Variants in PCDH15 observed in about 807,000 individuals in gnomAD.
PCDH15 encodes the protein protocadherin-15.
PCDH15 carries 129 observed loss-of-function variants against 178.5 expected under a neutral mutation model. That is an observed-to-expected ratio of 0.72 (90% CI 0.63 to 0.84). PCDH15 has a LOEUF of 0.84. PCDH15 is among the 40% of genes least tolerant of loss of function. The pLI is 0.00. For synonymous variants in PCDH15, 800 were observed against 732.0 expected, an observed-to-expected ratio of 1.09 and a Z score of -1.50; for missense variants, 2,230 against 2,099.9, an observed-to-expected ratio of 1.06 and a Z score of -1.21.
intron 14 of PCDH15, among the ~76,000 whole-genome samples, chr10:54,147,080 T>A (rs969226276): frequency 8.7e-5 from 13 of 149,690 alleles, no homozygotes; most frequent in African/African-American, 2.9e-4. Context: ...ATCTTCCTTA[T>A]AAAAGAAGTC....
rs543929486 is a variant in PCDH15 at position 55,623,103 on chromosome 10, C to T, written c.-156+4522G>A. On this transcript the variant is annotated intron_variant, in intron 2 of 5. Coordinates refer to the PCDH15 transcript ENST00000613346. ...AGTATCGCTAGTCCCTGGATTCCAC[C>T]TCCTGCTCTATATATTTTTTAACGT... Among the ~76,000 whole-genome samples, 3 of 152,232 alleles carry T rather than the reference C, an allele frequency of 2.0e-5. No homozygotes were observed. In the South Asian group the frequency reaches 6.2e-4, roughly 32 times the overall value.
chr10:54,816,027 T>G (rs1952944616), intron 3 of PCDH15, among the ~76,000 whole-genome samples: 1 of 152,054 alleles, frequency 6.6e-6, no homozygotes, highest in African/African-American at 2.4e-5. Flanking sequence ...GTCAAAAGTT[T>G]TATGCAGATT....
At chr10:54,902,228 C>A (rs1269639537) in intron 2 of PCDH15, among the ~76,000 whole-genome samples, 1 of 152,142 alleles carries the variant, frequency 6.6e-6, no homozygotes, top group Admixed American at 6.6e-5. Context: ...AGATAAAAAA[C>A]AAATGTGGAT....
intron 9 of PCDH15, among the ~76,000 whole-genome samples, chr10:54,231,104 T>C (rs2054014286): frequency 6.6e-6 from 1 of 152,206 alleles, no homozygotes; most frequent in African/African-American, 2.4e-5. Context: ...ATGCTTTTCT[T>C]TCAGAGACCT....
intron 32 of PCDH15, among the ~76,000 whole-genome samples, chr10:53,825,913 T>C (rs2076647323): frequency 1.3e-5 from 2 of 151,618 alleles, no homozygotes; most frequent in African/African-American, 4.8e-5. Flanking sequence ...TAGGTATTGC[T>C]ATTTGAAAAT....
At chr10:54,202,942 G>T (rs1229848328) in intron 10 of PCDH15, among the ~76,000 whole-genome samples, 1 of 152,056 alleles carries the variant, frequency 6.6e-6, no homozygotes, top group Non-Finnish European at 1.5e-5. Context: ...TGAGCAGAAT[G>T]TACTTTCACA....
chr10:54,371,742 A>G (rs1947704302), intron 4 of PCDH15, among the ~76,000 whole-genome samples: 1 of 151,918 alleles, frequency 6.6e-6, no homozygotes, highest in South Asian at 2.1e-4. Flanking sequence ...TTATCAGTAG[A>G]AGAGTATAGT....
intron 2 of PCDH15, among the ~76,000 whole-genome samples, chr10:54,588,582 G>T (rs1281111164): frequency 6.6e-6 from 1 of 152,024 alleles, no homozygotes; most frequent in Non-Finnish European, 1.5e-5. Context: ...GTGTTTTGTT[G>T]TTATTGTTTT....
chr10:54,923,371 A>G (rs1370488564), intron 2 of PCDH15, among the ~76,000 whole-genome samples: 1 of 138,942 alleles, frequency 7.2e-6, no homozygotes, highest in African/African-American at 2.5e-5. Context: ...TTGTTTGGCT[A>G]TTAACTTTTG....
At chr10:54,260,649 C>T (rs559200073) in intron 8 of PCDH15, among the ~76,000 whole-genome samples, 4 of 152,122 alleles carry the variant, frequency 2.6e-5, no homozygotes, top group Admixed American at 6.5e-5. Context: ...GGCGCGATCT[C>T]GGCTCACTGC....
chr10:54,572,493 A>G (rs1246439359), intron 2 of PCDH15, among the ~76,000 whole-genome samples: 1 of 152,176 alleles, frequency 6.6e-6, no homozygotes, highest in Admixed American at 6.5e-5. Context: ...ATTTGAAAGG[A>G]AAACGAAAAG....
At chr10:54,485,960 A>G (rs11004335) in intron 3 of PCDH15, among the ~76,000 whole-genome samples, 20,427 of 151,878 alleles carry the variant, frequency 0.13, 1,728 homozygotes, top group Admixed American at 0.29. Flanking sequence ...AGTTTTATGA[A>G]AAGATGTTTA....
chr10:54,741,150 C>A (rs1272339155), intron 1 of PCDH15, among the ~76,000 whole-genome samples: 1 of 147,034 alleles, frequency 6.8e-6, no homozygotes, highest in East Asian at 1.9e-4. Context: ...TATTATGTAC[C>A]AATATTAAAA....
chr10:55,201,162 G>C (rs951079895), intron 1 of PCDH15, among the ~76,000 whole-genome samples: 1 of 152,074 alleles, frequency 6.6e-6, no homozygotes, highest in Non-Finnish European at 1.5e-5. Context: ...TTTCTGCTAA[G>C]CAGCTACACT....
intron 3 of PCDH15, among the ~76,000 whole-genome samples, chr10:54,860,383 ATAAG>A (rs1953818382): frequency 6.6e-6 from 1 of 152,130 alleles, no homozygotes; most frequent in Non-Finnish European, 1.5e-5. Flanking sequence ...GCTCAGACTT[ATAAG>A]TAAGGACATG....
At chr10:55,013,093 T>C (rs1338722261) in intron 2 of PCDH15, among the ~76,000 whole-genome samples, 1 of 152,170 alleles carries the variant, frequency 6.6e-6, no homozygotes, top group Non-Finnish European at 1.5e-5. Flanking sequence ...GAATCATATT[T>C]GATAACTTCC....
chr10:54,922,217 C>T (rs1837512573), intron 2 of PCDH15, among the ~76,000 whole-genome samples: 1 of 152,072 alleles, frequency 6.6e-6, no homozygotes, highest in East Asian at 2.0e-4. Flanking sequence ...TGACTCATTA[C>T]AGCATTAAGT....
chr10:54,340,877 C>T (rs1942096298), intron 6 of PCDH15, among the ~76,000 whole-genome samples: 1 of 152,040 alleles, frequency 6.6e-6, no homozygotes, highest in Non-Finnish European at 1.5e-5. Flanking sequence ...TTACTTGAGG[C>T]ATTTTTGCCT....
chr10:55,229,947 T>A (rs1841163259), intron 1 of PCDH15, among the ~76,000 whole-genome samples: 2 of 152,036 alleles, frequency 1.3e-5, no homozygotes, highest in Admixed American at 1.3e-4. Context: ...AGTAACCTGC[T>A]GAACTCTGCT....
Sources: allele counts gnomAD v4.1 joint callset (sites outside exome capture counted in the v4.1 genomes callset), GRCh38; gene constraint gnomAD v4.1.1; transcripts MANE v1.5; gene names NCBI Gene and HGNC (gene_info 2026-07-23, HGNC 2026-07-21).